The following SLTM variants were observed in gnomAD, a reference collection of about 807,000 sequenced individuals.
SLTM encodes SAFB like transcription modulator, also known as SAFB-like transcription modulator.
SLTM carries 43 observed loss-of-function variants against 134.6 expected under a neutral mutation model. The ratio of observed to expected loss-of-function variants is 0.32; its 90% CI spans 0.25 to 0.41. The LOEUF (loss-of-function observed/expected upper bound fraction) is 0.41. Among genes scored for constraint, SLTM ranks in the 10% least tolerant of loss-of-function variants. The pLI, the probability that SLTM is intolerant of heterozygous loss-of-function variation, is 1.00. For missense variants in SLTM, 1,055 were observed against 1,288.8 expected (o/e 0.82, Z 2.78); for synonymous variants, 424 against 432.3 (o/e 0.98, Z 0.24).
chr15:58,923,860 A>G (rs932122190), intron 2 of SLTM, among the ~76,000 whole-genome samples: 1 of 117,016 alleles, frequency 8.5e-6, no homozygotes, highest in Non-Finnish European at 1.6e-5. Context: ...CCCAGGCTGG[A>G]GTGCAGTGCA....
chr15:58,913,250 C>T (rs888590928), intron 4 of SLTM, among the ~76,000 whole-genome samples: 6 of 152,060 alleles, frequency 3.9e-5, no homozygotes, highest in East Asian at 1.9e-4. Flanking sequence ...TGAAATTATA[C>T]GTCATGTGAA....
intron 2 of SLTM, among the ~76,000 whole-genome samples, chr15:58,930,337 C>G (rs1276023968): frequency 6.8e-6 from 1 of 146,300 alleles, no homozygotes; most frequent in Non-Finnish European, 1.5e-5. Flanking sequence ...GCCATGTTGG[C>G]CAGGCTGCTC....
chr15:58,932,316 C>T, intron 2 of SLTM, 40 bp downstream of exon 2: 1 of 1,508,258 alleles, frequency 6.6e-7, no homozygotes, highest in Non-Finnish European at 9.2e-7. Flanking sequence ...AGTTATATAA[C>T]CAAAATATAT....
chr15:58,915,290 A>C (rs535280451), intron 3 of SLTM, among the ~76,000 whole-genome samples: 8 of 152,334 alleles, frequency 5.3e-5, no homozygotes, highest in Admixed American at 5.2e-4. Flanking sequence ...ATAACACAAA[A>C]GCATCCTTTG....
intron 5 of SLTM, among the ~76,000 whole-genome samples, chr15:58,902,757 T>G (rs2035577497): frequency 6.6e-6 from 1 of 151,382 alleles, no homozygotes; most frequent in Non-Finnish European, 1.5e-5. Context: ...AGAGTTTTGC[T>G]CTGTCCACCA....
chr15:58,884,293 T>G (rs1274572407), intron 19 of SLTM, among the ~76,000 whole-genome samples: 1 of 152,080 alleles, frequency 6.6e-6, no homozygotes, highest in African/African-American at 2.4e-5. Flanking sequence ...GGGAAGGGTA[T>G]GGAGGAAATG....
Position 58,913,789 on chromosome 15 carries a change from C to T in SLTM, c.316-93G>A, listed in dbSNP as rs1228435446. ...TGGTAATTTACACCTTTAAATGTGT[C>T]AAATTTGATCATATTTTAATATTCC... On this transcript the variant is annotated intron_variant, in intron 3 of 20. Transcript: ENST00000380516. The T allele has an allele frequency of 3.5e-6, 3 of 854,116 alleles. No homozygotes were observed. In the African/African-American group the frequency reaches 5.1e-5, roughly 15 times the overall value. 52.9% of individuals were successfully genotyped at this position (854,116 alleles called of 1,614,324 possible). A position where few individuals can be genotyped will look rare whatever the true frequency, so the allele number is the denominator to read the frequency against.
At chr15:58,912,685 C>T in intron 4 of SLTM, 75 bp from the exon 5 acceptor site, 3 of 1,185,438 alleles carry the variant, frequency 2.5e-6, no homozygotes, top group Non-Finnish European at 3.7e-6. Flanking sequence ...ATGCTTACAC[C>T]TGATTATCAT....
intron 16 of SLTM, chr15:58,889,180 C>T (rs2034466544): frequency 2.8e-6 from 1 of 355,552 alleles, no homozygotes; most frequent in Admixed American, 4.3e-5. Flanking sequence ...ATTATTGAAG[C>T]CTACTATGAC....
intron 19 of SLTM, among the ~76,000 whole-genome samples, chr15:58,886,103 A>T (rs1466053534): frequency 6.6e-6 from 1 of 152,230 alleles, no homozygotes; most frequent in Admixed American, 6.5e-5. Flanking sequence ...GTAAAAATTT[A>T]AAAATATGTA....
chr15:58,923,499 T>C (rs1354320013), intron 2 of SLTM, among the ~76,000 whole-genome samples: 1 of 152,222 alleles, frequency 6.6e-6, no homozygotes, highest in African/African-American at 2.4e-5. Flanking sequence ...CAATACATCC[T>C]GTCACTACCT....
At chr15:58,913,778 T>G (rs1265717466) in intron 3 of SLTM, 82 bp from the exon 4 acceptor site, 1 of 944,364 alleles carries the variant, frequency 1.1e-6, no homozygotes. Context: ...AATTTACACC[T>G]TTAAATGTGT....
At chr15:58,884,441 C>T (rs1283661765) in intron 19 of SLTM, among the ~76,000 whole-genome samples, 1 of 151,986 alleles carries the variant, frequency 6.6e-6, no homozygotes, top group Non-Finnish European at 1.5e-5. Flanking sequence ...GCCTCGGCCT[C>T]CCAAGTAGCT....
chr15:58,893,166 T>C, intron 13 of SLTM, 106 bp from the exon 14 acceptor site: 2 of 1,408,074 alleles, frequency 1.4e-6, no homozygotes, highest in Admixed American at 2.5e-5. Flanking sequence ...TAACATTTCC[T>C]TTTTCTTGGG....
intron 14 of SLTM, among the ~76,000 whole-genome samples, chr15:58,891,348 A>G (rs914403494): frequency 1.3e-5 from 2 of 152,212 alleles, no homozygotes; most frequent in Non-Finnish European, 2.9e-5. Context: ...CACAACGGAC[A>G]TGCACACCAT....
intron 17 of SLTM, 152 bp from the exon 18 acceptor site, chr15:58,887,692 C>G (rs936565971): frequency 7.1e-7 from 1 of 1,402,154 alleles, no homozygotes; most frequent in Non-Finnish European, 9.4e-7. Context: ...ATTATTACAA[C>G]TCATTTTCTT....
At position 58,899,081 on chromosome 15, in the gene SLTM, T is replaced by C; in HGVS notation, c.1059-229A>G. On this transcript the variant is annotated intron_variant, in intron 7 of 20. Transcript: ENST00000380516. This position sits in a 1 kb window ranked among gnomAD's most constrained non-coding sequence, Gnocchi z 5.0. Reference sequence around the variant, plus strand: ...TTCTGACAATTCTATTCAGTGGAAATATGGCCATCTTCTCCAGATTTCAGG... The same window carrying C: ...TTCTGACAATTCTATTCAGTGGAAACATGGCCATCTTCTCCAGATTTCAGG... 2 of 464,094 alleles carry C rather than the reference T, an allele frequency of 4.3e-6. No individual in the cohort carries two copies. Among genetic ancestry groups the C allele is most frequent in the Non-Finnish European group, 7.6e-6 (2 of 264,150 alleles). The allele number at this position is 464,094 out of a possible 1,614,324, so 28.7% of individuals were successfully genotyped here.
chr15:58,917,399 G>A (rs1383017042), intron 2 of SLTM, among the ~76,000 whole-genome samples: 1 of 152,142 alleles, frequency 6.6e-6, no homozygotes, highest in African/African-American at 2.4e-5. Context: ...CCTTTCCTAT[G>A]TTCTTCTCTT....
chr15:58,904,721 G>A (rs1465835676), intron 5 of SLTM, among the ~76,000 whole-genome samples: 2 of 150,958 alleles, frequency 1.3e-5, no homozygotes, highest in African/African-American at 2.4e-5. Flanking sequence ...GTTTTGTTTC[G>A]TTTTTCTGAG....
Sources: allele counts gnomAD v4.1 joint callset (sites outside exome capture counted in the v4.1 genomes callset), GRCh38; gene constraint gnomAD v4.1.1; non-coding constraint Gnocchi (gnomAD v3.1); transcripts MANE v1.5; gene names NCBI Gene and HGNC (gene_info 2026-07-23, HGNC 2026-07-21).